ERC1: variants seen among roughly 807,000 people sequenced by gnomAD.
ERC1 encodes RAB6 interacting protein 2.
Under a neutral mutation model 132.0 loss-of-function variants are expected in ERC1, and 56 were observed. That is an observed-to-expected ratio of 0.42 (90% confidence interval 0.34 to 0.53). The LOEUF (loss-of-function observed/expected upper bound fraction) is 0.53, where lower values mean the gene tolerates loss of function less well. ERC1 is among the 20% of genes least tolerant of loss of function. The pLI, the probability that ERC1 is intolerant of heterozygous loss-of-function variation, is 0.03. For synonymous variants in ERC1, 478 were observed against 476.1 expected (o/e 1.00, Z -0.05); for missense variants, 1,202 against 1,349.9 (o/e 0.89, Z 1.72).
chr12:1,071,857 T>C (rs144621687), intron 2 of ERC1, among the ~76,000 whole-genome samples: 1 of 152,250 alleles, frequency 6.6e-6, no homozygotes, highest in African/African-American at 2.4e-5. Context: ...TCCCAGCACT[T>C]TGGGAGGCCG....
chr12:1,284,734 G>A (rs1238319343), intron 14 of ERC1, among the ~76,000 whole-genome samples: 1 of 152,146 alleles, frequency 6.6e-6, no homozygotes, highest in Non-Finnish European at 1.5e-5. Context: ...GCAGTGGTGT[G>A]ATCATAGCTC....
intron 8 of ERC1, among the ~76,000 whole-genome samples, chr12:1,149,172 T>A (rs1005661384): frequency 6.9e-6 from 1 of 144,658 alleles, no homozygotes; most frequent in Non-Finnish European, 1.6e-5. Context: ...AAAATAACTT[T>A]AAAGTAATCT....
In ERC1 at chr12:1,236,864, G is replaced by A. The variant is rs376405419; in HGVS notation, c.2447G>A (p.Arg816Gln). The change falls in exon 13 of 19, where the codon CGA becomes CAA. Residue 816 changes from arginine to glutamine, a missense_variant. Coordinates refer to ENST00000360905, the MANE Select transcript of ERC1 (RefSeq NM_178040.4). Reference protein sequence around the residue: ...KSAQMLEEARRREDNLNDSSQ... With the variant: ...KSAQMLEEARQREDNLNDSSQ... ...GCACAAATGTTAGAGGAGGCGCGAC[G>A]ACGGGAGGACAATCTCAACGACAGC... 1.7e-5 allele frequency: 27 copies of A among 1,613,988 alleles called. No homozygotes were observed. Among genetic ancestry groups the A allele is most frequent in the East Asian group, 4.5e-5 (2 of 44,898 alleles).
At chr12:1,344,816 TAAAATC>T (rs1349265944) in intron 15 of ERC1, among the ~76,000 whole-genome samples, 1 of 152,222 alleles carries the variant, frequency 6.6e-6, no homozygotes, top group Non-Finnish European at 1.5e-5. Flanking sequence ...ATTTGACAGT[TAAAATC>T]AAGGAAGTTC....
At position 1,444,690 on chromosome 12, in the gene ERC1, T is replaced by A. The variant is rs772246860; in HGVS notation, c.3153T>A (p.Tyr1051Ter). The A allele has an allele frequency of 1.2e-6, 2 of 1,614,194 alleles. No individual in the cohort carries two copies. Among genetic ancestry groups the A allele is most frequent in the Non-Finnish European group, 1.7e-6 (2 of 1,180,036 alleles). The change falls in exon 18 of 19, where the codon TAT (tyrosine) becomes TAA (stop). Residue 1051 changes from tyrosine to a stop codon, truncating the protein, a stop_gained. Transcript: ENST00000360905. LOFTEE classifies it high-confidence loss of function. ...GTGGACTCACTCCACCAGCTTCCTA[T>A]AACTTGGACGATGACCAGGCGGCTT... ...ILRGLTPPAS[Y>*]NLDDDQAAWE... is the part of the protein sequence containing the mutation.
chr12:1,347,934 G>A (rs1426847962), intron 15 of ERC1, among the ~76,000 whole-genome samples: 1 of 152,156 alleles, frequency 6.6e-6, no homozygotes, highest in East Asian at 1.9e-4. Context: ...AGTGAGCAGA[G>A]ATGGCGCCAC....
chr12:1,143,878 G>GT (rs1040644567), intron 8 of ERC1, among the ~76,000 whole-genome samples: 43 of 151,162 alleles, frequency 2.8e-4, no homozygotes, highest in African/African-American at 8.7e-4. Flanking sequence ...CTAACTGCTT[G>GT]TTTTTTTTGT....
intron 18 of ERC1, chr12:1,480,789 C>T (rs569862848): frequency 1.4e-6 from 1 of 701,904 alleles, no homozygotes; most frequent in Non-Finnish European, 2.6e-6. Context: ...TCGAGTAATA[C>T]CTTTTAGGGG....
chr12:1,388,260 G>C (rs1395690195), intron 16 of ERC1, among the ~76,000 whole-genome samples: 1 of 148,402 alleles, frequency 6.7e-6, no homozygotes, highest in African/African-American at 2.5e-5. Flanking sequence ...TGAGGCAGGA[G>C]AATGGTGTGA....
At chr12:1,153,789 G>A (rs956151890) in intron 8 of ERC1, among the ~76,000 whole-genome samples, 5 of 152,200 alleles carry the variant, frequency 3.3e-5, no homozygotes, top group Non-Finnish European at 5.9e-5. Flanking sequence ...TTCTTCACAT[G>A]GTCGGATTTT....
intron 1 of ERC1, among the ~76,000 whole-genome samples, chr12:1,024,254 G>A (rs899487357): frequency 5.3e-5 from 8 of 152,038 alleles, no homozygotes; most frequent in African/African-American, 1.4e-4. Flanking sequence ...GCTGATGCTC[G>A]CCTGTAGTCT....
At chr12:1,259,081 T>C (rs1257262151) in intron 13 of ERC1, among the ~76,000 whole-genome samples, 1 of 143,768 alleles carries the variant, frequency 7.0e-6, no homozygotes, top group Non-Finnish European at 1.5e-5. Context: ...TTCAATTTTC[T>C]TTTGATTTTA....
intron 16 of ERC1, among the ~76,000 whole-genome samples, chr12:1,392,635 C>A (rs1471916922): frequency 6.6e-6 from 1 of 152,104 alleles, no homozygotes; most frequent in Non-Finnish European, 1.5e-5. Flanking sequence ...TTATCAGAAT[C>A]AATCTATACC....
chr12:1,464,814 A>G (rs1442859080), intron 18 of ERC1, among the ~76,000 whole-genome samples: 2 of 152,084 alleles, frequency 1.3e-5, no homozygotes, highest in South Asian at 2.1e-4. Context: ...GCCACGGTGC[A>G]TGGCCACAAA....
At chr12:1,205,187 G>A (rs573513202) in intron 12 of ERC1, among the ~76,000 whole-genome samples, 1 of 152,174 alleles carries the variant, frequency 6.6e-6, no homozygotes, top group Non-Finnish European at 1.5e-5. Flanking sequence ...ATCTTCATTA[G>A]TAAGTAAATA....
intron 18 of ERC1, among the ~76,000 whole-genome samples, chr12:1,447,935 T>G (rs739972): frequency 0.087 from 13,185 of 152,154 alleles, 1,863 homozygotes; most frequent in African/African-American, 0.3. Context: ...CAGGAATGAG[T>G]GACCATGCCT....
At chr12:1,407,237 A>T (rs1299970703) in intron 16 of ERC1, among the ~76,000 whole-genome samples, 2 of 152,112 alleles carry the variant, frequency 1.3e-5, no homozygotes, top group Non-Finnish European at 2.9e-5. Context: ...ACTTATTTTT[A>T]AGACTCGAAT....
At chr12:1,313,324 A>G (rs372369960) in intron 15 of ERC1, among the ~76,000 whole-genome samples, 2 of 152,090 alleles carry the variant, frequency 1.3e-5, no homozygotes, top group Non-Finnish European at 2.9e-5. Context: ...CCCTCTATAC[A>G]CAACAGGCTG....
intron 8 of ERC1, 33 bp downstream of exon 8, chr12:1,141,820 A>G (rs993271013): frequency 2.0e-6 from 3 of 1,500,816 alleles, no homozygotes; most frequent in Non-Finnish European, 2.7e-6. Context: ...TCAGTGGCCC[A>G]TTCCTCATAC....
Sources: allele counts gnomAD v4.1 joint callset (sites outside exome capture counted in the v4.1 genomes callset), GRCh38; gene constraint gnomAD v4.1.1; transcripts MANE v1.5; gene names NCBI Gene and HGNC (gene_info 2026-07-23, HGNC 2026-07-21).